The following ATP10A variants were observed in gnomAD, a reference collection of about 807,000 sequenced individuals.
The protein encoded by ATP10A is ATPase phospholipid transporting 10A (putative).
A neutral mutation model predicts 147.8 loss-of-function variants in ATP10A; 111 were observed. That is an observed-to-expected ratio of 0.75 (90% CI 0.64 to 0.88). ATP10A has a LOEUF of 0.88. Ranked by LOEUF, ATP10A falls within the 40% of genes least tolerant of loss-of-function variation. The pLI, the probability that ATP10A is intolerant of heterozygous loss-of-function variation, is 0.00. For missense variants in ATP10A, 1,927 were observed against 1,959.0 expected, an observed-to-expected ratio of 0.98 and a Z score of 0.31; for synonymous variants, 875 against 841.6, an observed-to-expected ratio of 1.04 and a Z score of -0.69.
chr15:25,840,431 C>T (rs991765378), intron 1 of ATP10A, among the ~76,000 whole-genome samples: 3 of 152,086 alleles, frequency 2.0e-5, no homozygotes, highest in Non-Finnish European at 4.4e-5. Context: ...CAGGCTTTTT[C>T]CATTCACCAA....
chr15:25,714,977 C>T (rs1018721493), intron 9 of ATP10A, among the ~76,000 whole-genome samples: 4 of 149,138 alleles, frequency 2.7e-5, no homozygotes, highest in African/African-American at 7.5e-5. Flanking sequence ...CACACACACA[C>T]ACACACACAC....
intron 14 of ATP10A, among the ~76,000 whole-genome samples, chr15:25,692,936 G>A (rs1303874530): frequency 6.6e-6 from 1 of 152,046 alleles, no homozygotes; most frequent in Non-Finnish European, 1.5e-5. Flanking sequence ...GAGTAGGTAG[G>A]ACTACAGGTA....
At chr15:25,682,884 G>A (rs1315019406) in intron 17 of ATP10A, among the ~76,000 whole-genome samples, 1 of 152,188 alleles carries the variant, frequency 6.6e-6, no homozygotes, top group East Asian at 1.9e-4. Context: ...GTATATTAAT[G>A]CCAGTATGTA....
intron 2 of ATP10A, among the ~76,000 whole-genome samples, chr15:25,748,475 C>T (rs1287121148): frequency 6.6e-6 from 1 of 151,954 alleles, no homozygotes; most frequent in African/African-American, 2.4e-5. Context: ...TCTTAGCAGG[C>T]TACGAATAAA....
At chr15:25,695,689 C>A (rs957992314) in intron 13 of ATP10A, among the ~76,000 whole-genome samples, 1 of 152,096 alleles carries the variant, frequency 6.6e-6, no homozygotes, top group Non-Finnish European at 1.5e-5. Flanking sequence ...ACCCATGATA[C>A]AGTGCAGAGG....
chr15:25,762,653 C>T (rs1888819153), intron 2 of ATP10A, among the ~76,000 whole-genome samples: 1 of 152,168 alleles, frequency 6.6e-6, no homozygotes, highest in Non-Finnish European at 1.5e-5. Flanking sequence ...ACAATCATAG[C>T]TCACTGCAAA....
chr15:25,755,802 A>G (rs538306729), intron 2 of ATP10A, among the ~76,000 whole-genome samples: 1 of 152,292 alleles, frequency 6.6e-6, no homozygotes, highest in African/African-American at 2.4e-5. Flanking sequence ...GAAAAGTCCA[A>G]CTCTGGAACT....
intron 1 of ATP10A, among the ~76,000 whole-genome samples, chr15:25,825,937 A>G (rs1892093949): frequency 6.6e-6 from 1 of 152,208 alleles, no homozygotes; most frequent in South Asian, 2.1e-4. Flanking sequence ...ACAGAAAAGT[A>G]TGATAATAAT....
At chr15:25,675,036 G>A (rs756525917), downstream of ATP10A, among the ~76,000 whole-genome samples, 13 of 152,314 alleles carry the variant, frequency 8.5e-5, no homozygotes, top group Non-Finnish European at 1.8e-4. Context: ...CTTAAGAGCC[G>A]GCCGAAGTCT....
downstream of ATP10A, among the ~76,000 whole-genome samples, chr15:25,674,751 A>G (rs1899104277): frequency 6.6e-6 from 1 of 152,244 alleles, no homozygotes; most frequent in African/African-American, 2.4e-5. Context: ...AAATAATTAA[A>G]TTATGAGCTA....
intron 2 of ATP10A, among the ~76,000 whole-genome samples, chr15:25,780,127 A>G (rs2044311): frequency 6.6e-6 from 1 of 152,156 alleles, no homozygotes; most frequent in African/African-American, 2.4e-5. Context: ...GCTGAGGTCC[A>G]CAGACAGCAG....
chr15:25,681,499 C>T (rs1028531669), intron 17 of ATP10A, among the ~76,000 whole-genome samples: 1 of 152,146 alleles, frequency 6.6e-6, no homozygotes, highest in East Asian at 1.9e-4. Context: ...GAATAAACAC[C>T]ATTCTCTTTT....
At chr15:25,683,667 C>T (rs1454557195) in intron 16 of ATP10A, 181 bp from the exon 17 acceptor site, 1 of 615,166 alleles carries the variant, frequency 1.6e-6, no homozygotes, top group South Asian at 2.1e-5. Flanking sequence ...TCTCCCTCTT[C>T]CTCTTTCCCT....
rs368187313 is a variant in ATP10A at position 25,862,833 on chromosome 15, G to A, written c.264C>T (p.Asn88=). Residue 88 remains asparagine, a synonymous_variant, in exon 1 of 21, where the codon AAC becomes AAT. Coordinates refer to ENST00000555815, the MANE Select transcript of ATP10A (RefSeq NM_024490.4). ...NLFEQFHRPA[N]VYFVFIALLN... is the part of the protein sequence containing the mutation. ...GCAGCGCGATGAAGACAAAGTACAC[G>A]TTGGCCGGGCGGTGGAACTGCTCGA... 61 of 1,609,858 alleles carry A rather than the reference G, an allele frequency of 3.8e-5. No homozygotes were observed. Among genetic ancestry groups the A allele is most frequent in the Non-Finnish European group, 4.8e-5 (57 of 1,178,232 alleles).
chr15:25,809,827 T>C (rs971182405), intron 1 of ATP10A, among the ~76,000 whole-genome samples: 3 of 152,144 alleles, frequency 2.0e-5, no homozygotes, highest in Non-Finnish European at 4.4e-5. Context: ...TGGAGACACC[T>C]AGTCCTGTTT....
intron 1 of ATP10A, among the ~76,000 whole-genome samples, chr15:25,822,801 C>T (rs892011702): frequency 1.3e-5 from 2 of 152,142 alleles, no homozygotes; most frequent in Admixed American, 6.6e-5. Context: ...ATCAATTCAC[C>T]GTTGAATCAA....
intron 13 of ATP10A, among the ~76,000 whole-genome samples, chr15:25,701,262 A>C (rs931192085): frequency 2.0e-5 from 3 of 152,190 alleles, no homozygotes; most frequent in African/African-American, 7.2e-5. Context: ...CTCCCAAGCG[A>C]CAAAGTCCCA....
chr15:25,676,772 C>T (rs959777106), downstream of ATP10A, among the ~76,000 whole-genome samples: 1 of 151,920 alleles, frequency 6.6e-6, no homozygotes, highest in African/African-American at 2.4e-5. Flanking sequence ...ATATTAAATC[C>T]TTTTGCATCC....
chr15:25,781,646 T>C (rs553615134), intron 1 of ATP10A, among the ~76,000 whole-genome samples: 1 of 151,660 alleles, frequency 6.6e-6, no homozygotes, highest in South Asian at 2.1e-4. Context: ...TAGAGTGATA[T>C]TCCGTCTCAA....
Sources: gnomAD v4.1 joint callset for allele counts (sites outside exome capture counted in the v4.1 genomes callset) on GRCh38, gnomAD v4.1.1 for gene constraint, MANE v1.5 for transcripts, NCBI Gene and HGNC (gene_info 2026-07-23, HGNC 2026-07-21) for gene names.